The following NRXN3 variants were observed in gnomAD, a reference collection of about 807,000 sequenced individuals.
NRXN3 encodes neurexin III.
NRXN3 carries 32 observed loss-of-function variants against 137.6 expected under a neutral mutation model. The observed-to-expected ratio is 0.23, with a 90% confidence interval of 0.18 to 0.31. NRXN3 has a LOEUF of 0.31. Among genes scored for constraint, NRXN3 ranks in the 10% least tolerant of loss-of-function variants. NRXN3 has a pLI of 1.00. For synonymous variants in NRXN3, 798 were observed against 784.5 expected, an observed-to-expected ratio of 1.02 and a Z score of -0.29; for missense variants, 1,574 against 2,062.5, an observed-to-expected ratio of 0.76 and a Z score of 4.59.
At chr14:78,286,264 G>T (rs1208251191) in intron 3 of NRXN3, among the ~76,000 whole-genome samples, 1 of 152,178 alleles carries the variant, frequency 6.6e-6, no homozygotes, top group African/African-American at 2.4e-5. Context: ...AGAAGGAAGG[G>T]ATAATGAATG....
chr14:79,485,459 T>C (rs2096647053), intron 16 of NRXN3, among the ~76,000 whole-genome samples: 1 of 152,208 alleles, frequency 6.6e-6, no homozygotes, highest in Admixed American at 6.5e-5. Context: ...TTCAATTATA[T>C]TGTTACCTTG....
chr14:78,609,926 A>G lies in NRXN3; in HGVS notation c.758-35194A>G, dbSNP rs1301713349. On this transcript the variant is annotated intron_variant, in intron 4 of 20. Coordinates refer to ENST00000335750, the MANE Select transcript of NRXN3 (RefSeq NM_001330195.2). Reference sequence around the variant, plus strand: ...GTTTACCTCATATGCAAGTCCATGCATGGTACCAGCAAACAGGGATCCTTG... The same window carrying G: ...GTTTACCTCATATGCAAGTCCATGCGTGGTACCAGCAAACAGGGATCCTTG... 4.0e-5 allele frequency among the ~76,000 whole-genome samples: 6 copies of G among 151,754 alleles called. No homozygotes were observed. In the South Asian group the frequency reaches 8.4e-4, roughly 21 times the overall value.
intron 15 of NRXN3, among the ~76,000 whole-genome samples, chr14:79,091,087 A>G (rs1178175592): frequency 6.6e-6 from 1 of 152,062 alleles, no homozygotes; most frequent in Non-Finnish European, 1.5e-5. Flanking sequence ...AAAAAAAAAA[A>G]AAAGTGGTCC....
chr14:78,223,484 A>G (rs2064098425), intron 1 of NRXN3, among the ~76,000 whole-genome samples: 1 of 152,122 alleles, frequency 6.6e-6, no homozygotes, highest in Non-Finnish European at 1.5e-5. Flanking sequence ...TATCAAATGT[A>G]ATAGTGCTTT....
chr14:79,382,203 T>C (rs900822052), intron 15 of NRXN3, among the ~76,000 whole-genome samples: 2 of 152,140 alleles, frequency 1.3e-5, no homozygotes, highest in Non-Finnish European at 2.9e-5. Flanking sequence ...CCTTGTAAAA[T>C]GTTAGCTGCA....
At chr14:78,519,039 T>C (rs1283800641) in intron 4 of NRXN3, among the ~76,000 whole-genome samples, 4 of 152,088 alleles carry the variant, frequency 2.6e-5, no homozygotes, top group South Asian at 4.1e-4. Context: ...TCAGATAGAC[T>C]CTAGTATATA....
intron 2 of NRXN3, among the ~76,000 whole-genome samples, chr14:78,265,914 A>G (rs778373613): frequency 2.6e-5 from 4 of 152,224 alleles, no homozygotes; most frequent in Non-Finnish European, 4.4e-5. Flanking sequence ...CTAAGTTCCA[A>G]GAGTGCAAGA....
chr14:79,687,398 A>G (rs1035159391), intron 17 of NRXN3, among the ~76,000 whole-genome samples: 4 of 152,144 alleles, frequency 2.6e-5, no homozygotes, highest in African/African-American at 9.7e-5. Context: ...CTTAACTTAG[A>G]AAGTGTTCTT....
chr14:78,440,549 G>C (rs530337818), intron 4 of NRXN3, among the ~76,000 whole-genome samples: 7 of 152,218 alleles, frequency 4.6e-5, no homozygotes, highest in African/African-American at 1.2e-4. Context: ...CCTAGAGGTC[G>C]TGCAACTCAC....
intron 16 of NRXN3, chr14:79,611,890 A>G (rs1200092126): frequency 6.6e-6 from 1 of 152,236 alleles, no homozygotes; most frequent in Non-Finnish European, 1.5e-5. Flanking sequence ...TGCATAGCAT[A>G]ATACTTGGAA....
At chr14:78,469,840 A>G (rs1160141316) in intron 4 of NRXN3, among the ~76,000 whole-genome samples, 2 of 152,212 alleles carry the variant, frequency 1.3e-5, no homozygotes. Context: ...CTGAGATCTC[A>G]GTATTTGTTT....
intron 19 of NRXN3, among the ~76,000 whole-genome samples, chr14:79,764,647 C>G (rs957878578): frequency 6.6e-6 from 1 of 151,826 alleles, no homozygotes; most frequent in Non-Finnish European, 1.5e-5. Context: ...GAACTTTAAG[C>G]AAGGAAACTG....
At chr14:79,734,103 T>A (rs1441596192) in intron 19 of NRXN3, among the ~76,000 whole-genome samples, 2 of 152,168 alleles carry the variant, frequency 1.3e-5, no homozygotes, top group Admixed American at 1.3e-4. Flanking sequence ...TTTGACAAAT[T>A]CATGGTCTGC....
At chr14:78,239,994 G>A (rs1054156537) in intron 1 of NRXN3, among the ~76,000 whole-genome samples, 1 of 152,176 alleles carries the variant, frequency 6.6e-6, no homozygotes, top group African/African-American at 2.4e-5. Flanking sequence ...GCAAGCCACC[G>A]TGCATAGCCT....
chr14:79,603,615 T>G (rs1342297270), intron 16 of NRXN3, among the ~76,000 whole-genome samples: 1 of 152,164 alleles, frequency 6.6e-6, no homozygotes, highest in Non-Finnish European at 1.5e-5. Flanking sequence ...TTTTTCATAT[T>G]TTTTTCCTTT....
chr14:79,657,242 G>GA (rs2098510848), intron 16 of NRXN3, among the ~76,000 whole-genome samples: 1 of 152,102 alleles, frequency 6.6e-6, no homozygotes, highest in South Asian at 2.1e-4. Context: ...AGATCACATG[G>GA]AAAAAATAAT....
At chr14:79,696,872 C>T (rs1431488627) in intron 18 of NRXN3, among the ~76,000 whole-genome samples, 1 of 151,816 alleles carries the variant, frequency 6.6e-6, no homozygotes, top group Non-Finnish European at 1.5e-5. Context: ...AGGACAACTT[C>T]CCCAGGACTG....
chr14:79,196,562 T>G (rs771053755), intron 15 of NRXN3, among the ~76,000 whole-genome samples: 38 of 151,542 alleles, frequency 2.5e-4, no homozygotes, highest in Non-Finnish European at 2.1e-4. Context: ...TTCCAACACA[T>G]GCACTCTGGG....
chr14:78,478,512 G>C (rs995616190), intron 4 of NRXN3, among the ~76,000 whole-genome samples: 2 of 152,014 alleles, frequency 1.3e-5, no homozygotes, highest in East Asian at 3.8e-4. Context: ...CAAACCCACA[G>C]GGTAACTATG....
Sources: gnomAD v4.1 joint callset for allele counts (sites outside exome capture counted in the v4.1 genomes callset) on GRCh38, gnomAD v4.1.1 for gene constraint, MANE v1.5 for transcripts, NCBI Gene and HGNC (gene_info 2026-07-23, HGNC 2026-07-21) for gene names.